ADCY9: variants seen among roughly 807,000 people sequenced by gnomAD.
ADCY9 encodes the protein adenylate cyclase type 9.
A neutral mutation model predicts 101.5 loss-of-function variants in ADCY9; 50 were observed. The observed-to-expected ratio is 0.49, with a 90% CI of 0.39 to 0.62. ADCY9 has a LOEUF of 0.62. ADCY9 is among the 20% of genes least tolerant of loss of function. ADCY9 has a pLI of 0.00. For synonymous variants in ADCY9, 905 were observed against 769.3 expected (o/e 1.18, Z -2.92); for missense variants, 1,662 against 1,800.4 (o/e 0.92, Z 1.39).
At chr16:4,102,676 C>T (rs1263248763) in intron 2 of ADCY9, among the ~76,000 whole-genome samples, 2 of 152,138 alleles carry the variant, frequency 1.3e-5, no homozygotes, top group Non-Finnish European at 2.9e-5. Flanking sequence ...CCGCCCGCCT[C>T]GGCCTCCCAA....
chr16:3,977,417 C>A (rs898817710), intron 9 of ADCY9, 65 bp downstream of exon 9: 13 of 1,520,516 alleles, frequency 8.5e-6, no homozygotes, highest in East Asian at 2.5e-5. Context: ...TGCAGCCAGG[C>A]CCTACGCAAC....
At chr16:3,988,092 T>C (rs1189129835) in intron 6 of ADCY9, among the ~76,000 whole-genome samples, 2 of 151,634 alleles carry the variant, frequency 1.3e-5, no homozygotes, top group Non-Finnish European at 2.9e-5. Flanking sequence ...GCTGAGCATC[T>C]AGGGAGGGAG....
chr16:3,983,336 G>A lies in ADCY9; in HGVS notation c.2415C>T (p.Cys805=). 1 of 1,590,252 alleles carries A rather than the reference G, an allele frequency of 6.3e-7. No homozygotes were observed. The highest frequency in any genetic ancestry group is 8.6e-7 in the Non-Finnish European group (1 of 1,168,484). The change falls in exon 7 of 11, where the codon TGC becomes TGT. Residue 805 remains cysteine, a synonymous_variant. Coordinates refer to ENST00000294016, the MANE Select transcript of ADCY9 (RefSeq NM_001116.4). ...TTVFLTLSTT[C]FLKYEAATVP... is the part of the protein sequence containing the mutation. ...CGGTGGCCGCCTCGTACTTCAGGAAGCAGGTGGTGGACAGCGTCAGAAACA... is the reference window on the plus strand; with the variant it reads ...CGGTGGCCGCCTCGTACTTCAGGAAACAGGTGGTGGACAGCGTCAGAAACA...
chr16:4,083,272 A>G (rs1002507006), intron 2 of ADCY9, among the ~76,000 whole-genome samples: 2 of 152,126 alleles, frequency 1.3e-5, no homozygotes, highest in Admixed American at 6.5e-5. Flanking sequence ...TTTTTAGAAA[A>G]ATCACCTATA....
At chr16:3,954,437 T>C (rs779321441) in intron 5 of ADCY9, among the ~76,000 whole-genome samples, 10 of 152,150 alleles carry the variant, frequency 6.6e-5, no homozygotes, top group Non-Finnish European at 1.5e-4. Flanking sequence ...GAAGTTCCTC[T>C]TTCTGAGCCG....
At chr16:4,061,046 C>G (rs538816043) in intron 2 of ADCY9, among the ~76,000 whole-genome samples, 2 of 151,890 alleles carry the variant, frequency 1.3e-5, no homozygotes, top group Admixed American at 6.6e-5. Flanking sequence ...AGAAACCAAA[C>G]AGAAATTCTA....
rs2056257557 is a variant in ADCY9 at position 3,992,956 on chromosome 16, T to G, written c.1989+450A>C. Among the ~76,000 whole-genome samples, 1 of 152,066 alleles carries G rather than the reference T, an allele frequency of 6.6e-6. No homozygotes were observed. Among genetic ancestry groups the G allele is most frequent in the African/African-American group, 2.4e-5 (1 of 41,430 alleles). ...CGCCGACAGGCTCTCGCGGGTGGGC[T>G]GAGTCCTGGCCCTGGTGTCCAAGTC... On this transcript the variant is annotated intron_variant, in intron 4 of 10. Transcript: ENST00000294016. The surrounding 1 kb of genome is among the most constrained non-coding windows in gnomAD (Gnocchi z 4.2).
chr16:3,973,176 T>C (rs975658204), intron 10 of ADCY9, among the ~76,000 whole-genome samples: 2 of 152,230 alleles, frequency 1.3e-5, no homozygotes, highest in Non-Finnish European at 2.9e-5. Context: ...TTATTTATTA[T>C]TGACAACTAC....
At chr16:4,106,708 T>A (rs2057079592) in intron 2 of ADCY9, among the ~76,000 whole-genome samples, 2 of 151,948 alleles carry the variant, frequency 1.3e-5, no homozygotes, top group Non-Finnish European at 1.5e-5. Context: ...AAGACGAGAC[T>A]TACGGCCCAC....
intron 2 of ADCY9, among the ~76,000 whole-genome samples, chr16:4,043,257 C>A (rs540308087): frequency 6.6e-6 from 1 of 152,198 alleles, no homozygotes; most frequent in African/African-American, 2.4e-5. Context: ...AAAATTAAAA[C>A]TCTTCCCTGT....
chr16:3,982,488 T>G (rs2041248), intron 7 of ADCY9: 119,555 of 152,132 alleles, frequency 0.79, 47,516 homozygotes, highest in Non-Finnish European at 0.85. Context: ...AGGGCCACCT[T>G]CCTGCTCAGG....
Position 3,979,279 on chromosome 16 carries a change from C to T in ADCY9, c.2520-4G>A, listed in dbSNP as rs756622742. On this transcript the variant is annotated splice_polypyrimidine_tract_variant and splice_region_variant and intron_variant, in intron 7 of 10. Coordinates refer to ENST00000294016, the MANE Select transcript of ADCY9 (RefSeq NM_001116.4). ...GTCCTCCAGGAAGAACACCATCCTG[C>T]GAGAGGCATGGGGGTTAGCAGGAGC... 17 of 1,613,326 alleles carry T rather than the reference C, an allele frequency of 1.1e-5. No individual in the cohort carries two copies. The highest frequency in any genetic ancestry group is 1.6e-4 in the Middle Eastern group (1 of 6,062).
chr16:4,096,965 G>C (rs374155997), intron 2 of ADCY9, among the ~76,000 whole-genome samples: 39 of 152,202 alleles, frequency 2.6e-4, no homozygotes, highest in African/African-American at 8.9e-4. Context: ...CTACCCTGGA[G>C]CTTTGCCAGA....
intron 2 of ADCY9, among the ~76,000 whole-genome samples, chr16:4,038,834 C>T (rs2056607664): frequency 6.6e-6 from 1 of 152,074 alleles, no homozygotes; most frequent in Admixed American, 6.6e-5. Context: ...TCCTTCCACT[C>T]CCACTGCCTG....
chr16:3,978,693 G>A (rs2056114169), intron 8 of ADCY9, among the ~76,000 whole-genome samples: 1 of 152,174 alleles, frequency 6.6e-6, no homozygotes, highest in South Asian at 2.1e-4. Context: ...AAGAGTTCGT[G>A]CCTCTTCAAG....
chr16:4,055,060 G>A (rs1187662584), intron 2 of ADCY9, among the ~76,000 whole-genome samples: 3 of 152,156 alleles, frequency 2.0e-5, no homozygotes, highest in Non-Finnish European at 2.9e-5. Flanking sequence ...AAGAGGCAGA[G>A]AGCAGGGCCC....
Position 4,070,499 on chromosome 16 carries a change from C to G in ADCY9, c.1693+43251G>C, listed in dbSNP as rs547571557. Among the ~76,000 whole-genome samples, 9 of 152,200 alleles carry G rather than the reference C, an allele frequency of 5.9e-5. No homozygotes were observed. The South Asian group carries it at 1.9e-3, about 32-fold the overall frequency. On this transcript the variant is annotated intron_variant, in intron 2 of 10. Transcript: ENST00000294016. ...CCAAGTAGAAGTTATTTTTAGAAAC[C>G]TGGAATGTCATTCCACCTAACAGAA...
At position 4,060,484 on chromosome 16, in the gene ADCY9, C is replaced by T. The variant is rs1416147173; in HGVS notation, c.1694-52926G>A. On this transcript the variant is annotated intron_variant, in intron 2 of 10. Coordinates refer to ENST00000294016, the MANE Select transcript of ADCY9 (RefSeq NM_001116.4). Reference sequence around the variant, plus strand: ...CCTGAATTCTGAACATGTCCCTAAACGTACACACATATCCACCGCAAACTG... The same window carrying T: ...CCTGAATTCTGAACATGTCCCTAAATGTACACACATATCCACCGCAAACTG... Among the ~76,000 whole-genome samples, 5 of 152,164 alleles carry T rather than the reference C, an allele frequency of 3.3e-5. No individual in the cohort carries two copies. The South Asian group carries it at 6.2e-4, about 19-fold the overall frequency.
rs1364452965 is a variant in ADCY9 at position 4,097,548 on chromosome 16, TA to T, written c.1693+16201del. ...ATGTACATATATATATATATATATA[TA>T]TATATTTTTTTTTTTTTTTTTTAAG... On this transcript the variant is annotated intron_variant, in intron 2 of 10. Coordinates refer to ENST00000294016, the MANE Select transcript of ADCY9 (RefSeq NM_001116.4). 7.6e-3 allele frequency among the ~76,000 whole-genome samples: 406 copies of T among 53,434 alleles called. 11 individuals carry two copies. Among genetic ancestry groups the T allele is most frequent in the African/African-American group, 0.042 (339 of 8,024 alleles). 35.1% of individuals were successfully genotyped at this position (53,434 alleles called of 152,430 possible). A position where few individuals can be genotyped will look rare whatever the true frequency, so the allele number is the denominator to read the frequency against.
Sources: allele counts gnomAD v4.1 joint callset (sites outside exome capture counted in the v4.1 genomes callset), GRCh38; gene constraint gnomAD v4.1.1; non-coding constraint Gnocchi (gnomAD v3.1); transcripts MANE v1.5; gene names NCBI Gene and HGNC (gene_info 2026-07-23, HGNC 2026-07-21).